CFAP52: variants seen among roughly 807,000 people sequenced by gnomAD.
CFAP52 encodes the protein cilia- and flagella-associated protein 52.
CFAP52 carries 57 observed loss-of-function variants against 70.5 expected under a neutral mutation model. That is an observed-to-expected ratio of 0.81 (90% CI 0.65 to 1.01). The LOEUF is 1.01. CFAP52 is among the 50% of genes least tolerant of loss of function. The pLI, the probability that CFAP52 is intolerant of heterozygous loss-of-function variation, is 0.00. For missense variants in CFAP52, 785 were observed against 788.5 expected (o/e 1.00, Z 0.05); for synonymous variants, 267 against 292.5 (o/e 0.91, Z 0.89).
intron 6 of CFAP52, among the ~76,000 whole-genome samples, chr17:9,602,655 G>T (rs1426154594): frequency 6.6e-6 from 1 of 152,092 alleles, no homozygotes; most frequent in Non-Finnish European, 1.5e-5. Context: ...TGGGTCAAAT[G>T]GTATTTCTGG....
chr17:9,614,548 A>G (rs961590238), intron 8 of CFAP52, among the ~76,000 whole-genome samples: 9 of 152,192 alleles, frequency 5.9e-5, no homozygotes, highest in Non-Finnish European at 1.0e-4. Flanking sequence ...ACTAATTAGG[A>G]ATTTTTGCTA....
At chr17:9,632,067 C>A (rs1280794717) in intron 9 of CFAP52, among the ~76,000 whole-genome samples, 1 of 143,162 alleles carries the variant, frequency 7.0e-6, no homozygotes, top group Non-Finnish European at 1.5e-5. Context: ...GCCACTGCGC[C>A]CAGCCTCCAC....
In CFAP52 at chr17:9,581,210, G is replaced by A. The variant is rs56352557; in HGVS notation, c.70+4445G>A. 3.8e-3 allele frequency among the ~76,000 whole-genome samples: 585 copies of A among 152,232 alleles called. 6 individuals are homozygous for A. The highest frequency in any genetic ancestry group is 0.013 in the African/African-American group (537 of 41,534). The stretch of plus-strand genomic sequence containing the variant: ...CGGGCACCTGTAGTCCCAGCTACTC[G>A]GGAGGCTGAGGCAGGAGAATGGCGT... On this transcript the variant is annotated intron_variant, in intron 1 of 13. Coordinates refer to ENST00000352665, the MANE Select transcript of CFAP52 (RefSeq NM_145054.5).
intron 8 of CFAP52, among the ~76,000 whole-genome samples, chr17:9,624,251 T>C (rs1910157663): frequency 6.6e-6 from 1 of 152,152 alleles, no homozygotes; most frequent in Non-Finnish European, 1.5e-5. Flanking sequence ...CCCTTGTTCC[T>C]TAAGAATTTT....
At chr17:9,636,116 GTGAAC>G (rs1275606245) in intron 11 of CFAP52, among the ~76,000 whole-genome samples, 1 of 151,448 alleles carries the variant, frequency 6.6e-6, no homozygotes, top group African/African-American at 2.4e-5. Flanking sequence ...GGAGGTTGCA[GTGAAC>G]TGAGATCATG....
chr17:9,614,157 C>CTTTTTTTTTTTTTTTTTTTTTTTT (rs11347755), intron 8 of CFAP52, among the ~76,000 whole-genome samples: 3 of 93,982 alleles, frequency 3.2e-5, no homozygotes, highest in Non-Finnish European at 4.4e-5. Context: ...TTCTTTCTTT[C>CTTTTTTTTTTTTTTTTTTTTTTTT]TTTTTTTTTT....
chr17:9,599,824 C>T (rs1352609953), intron 5 of CFAP52, among the ~76,000 whole-genome samples: 1 of 151,980 alleles, frequency 6.6e-6, no homozygotes, highest in African/African-American at 2.4e-5. Context: ...TCACTGCAAC[C>T]TCTGCCTCCT....
intron 6 of CFAP52, among the ~76,000 whole-genome samples, 164 bp from the exon 7 acceptor site, chr17:9,607,955 A>G (rs1909560769): frequency 6.6e-6 from 1 of 151,340 alleles, no homozygotes; most frequent in Admixed American, 6.6e-5. Flanking sequence ...GCCATCTTTA[A>G]TTCATCTTTC....
chr17:9,634,597 G>GAA (rs541601611), intron 10 of CFAP52, among the ~76,000 whole-genome samples: 1 of 150,580 alleles, frequency 6.6e-6, no homozygotes, highest in African/African-American at 2.4e-5. Context: ...CTCAAAAAAA[G>GAA]AAAAAAAAAT....
chr17:9,614,373 C>T (rs949667603), intron 8 of CFAP52, among the ~76,000 whole-genome samples: 1 of 152,038 alleles, frequency 6.6e-6, no homozygotes, highest in African/African-American at 2.4e-5. Context: ...CCCAGCTGGT[C>T]GCGAGCTCCC....
At position 9,598,373 on chromosome 17, in the gene CFAP52, G is replaced by A. The variant is rs377505636; in HGVS notation, c.636+40G>A. ...AAGTATTAAGTAACAATTAGCACAC[G>A]TTCCTGTTAGCAGTGCTGACCAAGG... On this transcript the variant is annotated intron_variant, in intron 5 of 13. Coordinates refer to ENST00000352665, the MANE Select transcript of CFAP52 (RefSeq NM_145054.5). The A allele has an allele frequency of 6.3e-5, 97 of 1,549,824 alleles. 2 individuals carry two copies. The South Asian group carries it at 8.9e-4, about 14-fold the overall frequency.
chr17:9,614,778 C>G (rs535131287), intron 8 of CFAP52, among the ~76,000 whole-genome samples: 1 of 152,140 alleles, frequency 6.6e-6, no homozygotes, highest in Non-Finnish European at 1.5e-5. Flanking sequence ...CCATCAGACG[C>G]GAGTAGCAGC....
At chr17:9,592,786 A>G (rs1267042347) in intron 3 of CFAP52, among the ~76,000 whole-genome samples, 1 of 152,134 alleles carries the variant, frequency 6.6e-6, no homozygotes, top group African/African-American at 2.4e-5. Context: ...AGTCATTTCC[A>G]CTTCTAAATT....
intron 8 of CFAP52, 38 bp from the exon 9 acceptor site, chr17:9,628,633 CA>C: frequency 1.3e-6 from 2 of 1,597,418 alleles, no homozygotes; most frequent in Non-Finnish European, 1.7e-6. Context: ...TGGGAAACTG[CA>C]TCTTTTATGG....
At chr17:9,610,816 G>C (rs895202221) in intron 7 of CFAP52, among the ~76,000 whole-genome samples, 1 of 152,304 alleles carries the variant, frequency 6.6e-6, no homozygotes, top group Admixed American at 6.5e-5. Context: ...TAGGATTACA[G>C]GTGTGAGCCA....
intron 3 of CFAP52, chr17:9,590,379 G>A: frequency 5.1e-6 from 1 of 197,534 alleles, no homozygotes. Flanking sequence ...GTGGGAGGTG[G>A]CCTTGGCAAT....
intron 11 of CFAP52, 42 bp downstream of exon 11, chr17:9,635,598 A>G: frequency 6.2e-7 from 1 of 1,612,574 alleles, no homozygotes. Flanking sequence ...TACCTGCAAA[A>G]TCCAATCATG....
chr17:9,608,326 A>C, intron 7 of CFAP52, 107 bp downstream of exon 7: 1 of 908,902 alleles, frequency 1.1e-6, no homozygotes, highest in South Asian at 2.9e-5. Context: ...TTGGTTAAAA[A>C]ATTTCATCTT....
At chr17:9,624,514 G>T (rs986607459) in intron 8 of CFAP52, among the ~76,000 whole-genome samples, 1 of 151,798 alleles carries the variant, frequency 6.6e-6, no homozygotes, top group Admixed American at 6.6e-5. Flanking sequence ...TTGCTATAAG[G>T]TATATAATTA....
Sources: gnomAD v4.1 joint callset for allele counts (sites outside exome capture counted in the v4.1 genomes callset) on GRCh38, gnomAD v4.1.1 for gene constraint, MANE v1.5 for transcripts, NCBI Gene and HGNC (gene_info 2026-07-23, HGNC 2026-07-21) for gene names.